The following ZNF385D variants were observed in gnomAD, a reference collection of about 807,000 sequenced individuals.
ZNF385D encodes zinc finger protein 659.
Under a neutral mutation model 35.8 loss-of-function variants are expected in ZNF385D, and 15 were observed. The observed-to-expected ratio is 0.42, with a 90% confidence interval of 0.28 to 0.64. The LOEUF (loss-of-function observed/expected upper bound fraction) is 0.64. Among genes scored for constraint, ZNF385D ranks in the 30% least tolerant of loss-of-function variants. The pLI is 0.23. For missense variants in ZNF385D, 474 were observed against 494.6 expected (o/e 0.96, Z 0.39); for synonymous variants, 212 against 186.8 (o/e 1.13, Z -1.10).
chr3:21,524,511 C>T (rs1708110121), intron 3 of ZNF385D, among the ~76,000 whole-genome samples: 1 of 152,132 alleles, frequency 6.6e-6, no homozygotes, highest in Non-Finnish European at 1.5e-5. Context: ...AAGTTCCAAA[C>T]AAAGAATGAA....
At chr3:22,369,079 T>C (rs531927451) in intron 2 of ZNF385D, among the ~76,000 whole-genome samples, 13 of 152,098 alleles carry the variant, frequency 8.5e-5, no homozygotes, top group Non-Finnish European at 1.5e-4. Context: ...CACTTTAGAG[T>C]CCTTGTCAGA....
At chr3:22,074,357 T>C (rs575462883) in intron 3 of ZNF385D, among the ~76,000 whole-genome samples, 1 of 152,140 alleles carries the variant, frequency 6.6e-6, no homozygotes, top group East Asian at 1.9e-4. Flanking sequence ...AATTCTATCC[T>C]TTGCTATCAT....
chr3:22,336,550 A>G (rs1695168101), intron 2 of ZNF385D, among the ~76,000 whole-genome samples: 1 of 152,030 alleles, frequency 6.6e-6, no homozygotes, highest in Non-Finnish European at 1.5e-5. Flanking sequence ...CCTACAGAGG[A>G]AATTATGTAT....
At chr3:21,714,478 C>CAGT (rs2068235393) in intron 1 of ZNF385D, among the ~76,000 whole-genome samples, 1 of 152,126 alleles carries the variant, frequency 6.6e-6, no homozygotes, top group African/African-American at 2.4e-5. Flanking sequence ...CTGTGCCTAC[C>CAGT]TACTCTACCA....
chr3:21,997,059 C>G (rs1052056569), intron 3 of ZNF385D, among the ~76,000 whole-genome samples: 11 of 151,576 alleles, frequency 7.3e-5, no homozygotes, highest in Admixed American at 5.9e-4. Flanking sequence ...TAAAAAAAAA[C>G]TGTGATTTTT....
At chr3:21,566,758 G>A (rs1428876364) in intron 2 of ZNF385D, among the ~76,000 whole-genome samples, 1 of 152,286 alleles carries the variant, frequency 6.6e-6, no homozygotes, top group East Asian at 1.9e-4. Context: ...CAAGTGAAAT[G>A]TGACAAATGC....
chr3:21,437,334 A>T, intron 4 of ZNF385D, 131 bp from the exon 5 acceptor site: 1 of 807,456 alleles, frequency 1.2e-6, no homozygotes, highest in Admixed American at 3.5e-5. Context: ...TTTGTCAAGG[A>T]TGCATCAATC....
At chr3:22,152,775 C>T (rs1257837702) in intron 3 of ZNF385D, among the ~76,000 whole-genome samples, 1 of 152,128 alleles carries the variant, frequency 6.6e-6, no homozygotes, top group African/African-American at 2.4e-5. Context: ...AGTTAGGCAA[C>T]ATATTCACAG....
intron 3 of ZNF385D, among the ~76,000 whole-genome samples, chr3:21,900,520 A>G (rs1699349406): frequency 6.6e-6 from 1 of 152,144 alleles, no homozygotes; most frequent in Non-Finnish European, 1.5e-5. Context: ...ATATGAGAAA[A>G]GTGGTTAAGA....
At chr3:22,077,198 TATGA>T (rs1045704768) in intron 3 of ZNF385D, among the ~76,000 whole-genome samples, 1 of 152,008 alleles carries the variant, frequency 6.6e-6, no homozygotes, top group Non-Finnish European at 1.5e-5. Flanking sequence ...GTTCAGACTA[TATGA>T]ATGTTTCATT....
intron 3 of ZNF385D, among the ~76,000 whole-genome samples, chr3:22,156,668 G>A (rs1279573601): frequency 6.6e-6 from 1 of 152,006 alleles, no homozygotes; most frequent in Admixed American, 6.6e-5. Context: ...TGCCGACTGA[G>A]GTATGTAAAC....
rs77945163 is a variant in ZNF385D at position 22,075,550 on chromosome 3, G to A, written c.325+93267C>T. Reference sequence around the variant, plus strand: ...TGGATTTCATGTAACTCATGCCCCTGGTTTTCTCTTCCAGAATGACCACTC... The same window carrying A: ...TGGATTTCATGTAACTCATGCCCCTAGTTTTCTCTTCCAGAATGACCACTC... On this transcript the variant is annotated intron_variant, in intron 3 of 5. Coordinates refer to the ZNF385D transcript ENST00000494108. Among the ~76,000 whole-genome samples the A allele has an allele frequency of 5.0e-3, 763 of 151,818 alleles. 9 individuals carry two copies. Among genetic ancestry groups the A allele is most frequent in the African/African-American group, 0.017 (719 of 41,440 alleles).
intron 3 of ZNF385D, among the ~76,000 whole-genome samples, chr3:21,939,844 G>T (rs553983687): frequency 2.0e-5 from 3 of 152,282 alleles, no homozygotes; most frequent in African/African-American, 2.4e-5. Flanking sequence ...AGATGTGAGA[G>T]ATCTATATAA....
At chr3:22,227,674 C>T (rs1698642601) in intron 2 of ZNF385D, among the ~76,000 whole-genome samples, 1 of 152,098 alleles carries the variant, frequency 6.6e-6, no homozygotes, top group South Asian at 2.1e-4. Context: ...AAGACATGCC[C>T]ACCAGTGTGC....
At chr3:22,307,539 C>T (rs916227327) in intron 2 of ZNF385D, among the ~76,000 whole-genome samples, 1 of 152,018 alleles carries the variant, frequency 6.6e-6, no homozygotes, top group Non-Finnish European at 1.5e-5. Flanking sequence ...CGTACACATG[C>T]CATTTCTCCA....
chr3:22,144,081 A>G (rs1704692923), intron 3 of ZNF385D, among the ~76,000 whole-genome samples: 1 of 152,194 alleles, frequency 6.6e-6, no homozygotes, highest in African/African-American at 2.4e-5. Context: ...ATAATGTTTT[A>G]TAAAAGAATG....
At chr3:22,123,767 A>C (rs891332164) in intron 3 of ZNF385D, among the ~76,000 whole-genome samples, 3 of 151,538 alleles carry the variant, frequency 2.0e-5, no homozygotes, top group Non-Finnish European at 2.9e-5. Context: ...AGGCCGAGGC[A>C]GGGAGAATTG....
At chr3:21,973,664 T>C (rs1703410273) in intron 3 of ZNF385D, among the ~76,000 whole-genome samples, 1 of 152,016 alleles carries the variant, frequency 6.6e-6, no homozygotes, top group Non-Finnish European at 1.5e-5. Flanking sequence ...TATGATTTTA[T>C]ATTTGGAAAA....
intron 3 of ZNF385D, among the ~76,000 whole-genome samples, chr3:21,880,738 T>C (rs141555840): frequency 6.6e-6 from 1 of 152,096 alleles, no homozygotes; most frequent in East Asian, 1.9e-4. Context: ...TGATACAGAC[T>C]GAAAGTAGGT....
Sources: gnomAD v4.1 joint callset for allele counts (sites outside exome capture counted in the v4.1 genomes callset) on GRCh38, gnomAD v4.1.1 for gene constraint, MANE v1.5 for transcripts, NCBI Gene and HGNC (gene_info 2026-07-23, HGNC 2026-07-21) for gene names.